The following EPC1 variants were observed in gnomAD, a reference collection of about 807,000 sequenced individuals.
EPC1 encodes the protein enhancer of polycomb homolog 1.
Under a neutral mutation model 98.4 loss-of-function variants are expected in EPC1, and 12 were observed. That is an observed-to-expected ratio of 0.12 (90% CI 0.08 to 0.20). The LOEUF is 0.20. EPC1 is among the 10% of genes least tolerant of loss of function. The pLI, the probability that EPC1 is intolerant of heterozygous loss-of-function variation, is 1.00. For synonymous variants in EPC1, 357 were observed against 363.9 expected, an observed-to-expected ratio of 0.98 and a Z score of 0.21; for missense variants, 729 against 990.5, an observed-to-expected ratio of 0.74 and a Z score of 3.54.
At chr10:32,369,285 G>A (rs1839684422) in intron 1 of EPC1, among the ~76,000 whole-genome samples, 1 of 152,182 alleles carries the variant, frequency 6.6e-6, no homozygotes, top group African/African-American at 2.4e-5. Flanking sequence ...TAAAAGGTTA[G>A]GAAGTGCAAA....
rs1034923096 is a variant in EPC1, at chr10:32,347,040, C to T, written c.-125G>A. ...GGGACTTGAGGGGCGGAGCGCAGAG[C>T]CCGCCGTCCGGGCACTAACACCAGC... On this transcript the variant is annotated 5_prime_UTR_variant, in exon 1 of 14. Transcript: ENST00000319778. The T allele has an allele frequency of 3.5e-5, 51 of 1,477,046 alleles. No individual in the cohort carries two copies. The highest frequency in any genetic ancestry group is 4.7e-5 in the Admixed American group (2 of 42,174). 91.5% of individuals were successfully genotyped at this position (1,477,046 alleles called of 1,614,324 possible).
At chr10:32,325,653 T>C (rs971623061) in intron 1 of EPC1, among the ~76,000 whole-genome samples, 1 of 152,220 alleles carries the variant, frequency 6.6e-6, no homozygotes, top group African/African-American at 2.4e-5. Context: ...AAGTAAACCA[T>C]ACTAAAAGTT....
chr10:32,372,641 G>A (rs1839781756), intron 1 of EPC1, among the ~76,000 whole-genome samples: 1 of 152,190 alleles, frequency 6.6e-6, no homozygotes, highest in South Asian at 2.1e-4. Flanking sequence ...TCAGAAGGCC[G>A]ATTACTCATT....
intron 1 of EPC1, among the ~76,000 whole-genome samples, chr10:32,306,828 G>A (rs1216799722): frequency 6.7e-6 from 1 of 149,934 alleles, no homozygotes; most frequent in Non-Finnish European, 1.5e-5. Flanking sequence ...TATCAACACT[G>A]AATTTTGGTA....
At chr10:32,378,573 C>T (rs144089033) in exon 1 of EPC1, 3 of 1,043,448 alleles carry the variant, frequency 2.9e-6, no homozygotes, top group African/African-American at 1.6e-5. Context: ...CTAGAAACAA[C>T]AGCCTCCAGG....
At chr10:32,270,333 C>T (rs931425308) in intron 13 of EPC1, among the ~76,000 whole-genome samples, 6 of 152,164 alleles carry the variant, frequency 3.9e-5, no homozygotes, top group African/African-American at 1.2e-4. Context: ...AAACTGAAAA[C>T]ACCTGTCTTT....
chr10:32,307,277 A>G (rs894362061), intron 1 of EPC1, among the ~76,000 whole-genome samples: 14 of 152,218 alleles, frequency 9.2e-5, no homozygotes, highest in African/African-American at 3.4e-4. Flanking sequence ...CCACTCATGT[A>G]TTACTATGTA....
intron 1 of EPC1, among the ~76,000 whole-genome samples, chr10:32,333,748 A>T (rs905845290): frequency 7.8e-6 from 1 of 128,106 alleles, no homozygotes; most frequent in East Asian, 2.5e-4. Context: ...AGTGTATCTC[A>T]GTCAGACAAT....
rs1356631205 is a variant in EPC1 at position 32,347,051 on chromosome 10, G to A, written c.-136C>T. The stretch of plus-strand genomic sequence containing the variant: ...GGCGGAGCGCAGAGCCCGCCGTCCG[G>A]GCACTAACACCAGCCGGGAGGGTGG... On this transcript the variant is annotated 5_prime_UTR_variant, in exon 1 of 14. Transcript: ENST00000319778. 5.5e-6 allele frequency: 8 copies of A among 1,467,272 alleles called. No individual in the cohort carries two copies. Among genetic ancestry groups the A allele is most frequent in the Non-Finnish European group, 7.2e-6 (8 of 1,115,242 alleles). The allele number at this position is 1,467,272 out of a possible 1,614,324, so 90.9% of individuals were successfully genotyped here.
intron 2 of EPC1, among the ~76,000 whole-genome samples, chr10:32,301,049 T>C (rs1490587667): frequency 4.2e-5 from 6 of 144,538 alleles, no homozygotes; most frequent in African/African-American, 1.3e-4. Context: ...TATCTATCTA[T>C]CTATCTATCT....
At chr10:32,372,603 A>G (rs1005406780) in intron 1 of EPC1, among the ~76,000 whole-genome samples, 45 of 152,278 alleles carry the variant, frequency 3.0e-4, no homozygotes, top group African/African-American at 9.6e-4. Context: ...TTCGACATAC[A>G]AAATTTCATC....
intron 1 of EPC1, among the ~76,000 whole-genome samples, chr10:32,332,828 A>G (rs185190058): frequency 3.7e-4 from 56 of 152,372 alleles, no homozygotes; most frequent in Non-Finnish European, 5.6e-4. Flanking sequence ...CCTCACTGCT[A>G]TAACAGAACA....
upstream of EPC1, among the ~76,000 whole-genome samples, chr10:32,351,311 T>G (rs557276913): frequency 6.6e-6 from 1 of 152,202 alleles, no homozygotes; most frequent in Non-Finnish European, 1.5e-5. Context: ...TTGTCATTAT[T>G]GCTTAAGACA....
upstream of EPC1, among the ~76,000 whole-genome samples, chr10:32,349,851 C>T (rs1564563619): frequency 1.3e-5 from 2 of 152,182 alleles, no homozygotes; most frequent in South Asian, 4.1e-4. Flanking sequence ...CCTCCCACCT[C>T]GGCCTCCCAA....
chr10:32,346,650 G>T, intron 1 of EPC1, 113 bp downstream of exon 1: 2 of 1,061,798 alleles, frequency 1.9e-6, no homozygotes, highest in Non-Finnish European at 2.8e-6. Context: ...ACTGAGAGTC[G>T]GCGGCGAAGA....
At position 32,284,989 on chromosome 10, in the gene EPC1, T is replaced by C. The variant is rs779388468; in HGVS notation, c.1453A>G (p.Met485Val). ...GGAGAATGTTGTGGTGAGGAAAGCA[T>C]TTCCAAATCCAGATGGTGAAACACA... Reference protein sequence around the residue: ...DSVFHHLDLEMLSSPQHSPVN... With the variant: ...DSVFHHLDLEVLSSPQHSPVN... The change falls in exon 10 of 14, where the codon ATG becomes GTG. Residue 485 changes from methionine to valine, a missense_variant. Met to Val is a conservative substitution (Grantham distance 21). Transcript: ENST00000319778. 11 of 1,614,080 alleles carry C rather than the reference T, an allele frequency of 6.8e-6. No individual in the cohort carries two copies. The African/African-American group carries it at 1.3e-4, about 20-fold the overall frequency.
In EPC1 at chr10:32,300,723, C is replaced by A. The variant is rs114129955; in HGVS notation, c.313+5049G>T. On this transcript the variant is annotated intron_variant, in intron 2 of 13. Transcript: ENST00000319778. ...TACTGGGATTACAAGTGTGAGCCAC[C>A]GCGTCCCGCCGATTTTTACTTTTTC... 8.0e-3 allele frequency among the ~76,000 whole-genome samples: 1,212 copies of A among 152,174 alleles called. 15 individuals carry two copies. The highest frequency in any genetic ancestry group is 0.027 in the African/African-American group (1,132 of 41,492).
intron 1 of EPC1, among the ~76,000 whole-genome samples, chr10:32,364,914 T>C (rs1432710722): frequency 6.6e-6 from 1 of 151,778 alleles, no homozygotes; most frequent in Non-Finnish European, 1.5e-5. Context: ...ATGATTTTTT[T>C]TTTTTTTTTT....
chr10:32,273,211 T>C lies in EPC1; in HGVS notation c.1815A>G (p.Gln605=), dbSNP rs141719918. Residue 605 remains glutamine, a synonymous_variant, in exon 11 of 14, where the codon CAA becomes CAG. Transcript: ENST00000319778. The part of the protein sequence containing the change: ...LALMQKQQLA[Q]IQQQQANSNS... ...TACTATTTGCTTGCTGTTGCTGAAT[T>C]TGTGCAAGCTGCTGTTTCTGCATGA... 2.5e-6 allele frequency: 4 copies of C among 1,614,028 alleles called. No homozygotes were observed. Among genetic ancestry groups the C allele is most frequent in the Non-Finnish European group, 2.5e-6 (3 of 1,179,968 alleles).
Sources: allele counts gnomAD v4.1 joint callset (sites outside exome capture counted in the v4.1 genomes callset), GRCh38; gene constraint gnomAD v4.1.1; transcripts MANE v1.5; gene names NCBI Gene and HGNC (gene_info 2026-07-23, HGNC 2026-07-21).